The following NPEPL1 variants were observed in gnomAD, a reference collection of about 807,000 sequenced individuals.
The protein encoded by NPEPL1 is aminopeptidase like 1.
In NPEPL1, 45 loss-of-function variants were observed where a neutral mutation model predicts 52.4. The ratio of observed to expected loss-of-function variants is 0.86; its 90% CI spans 0.68 to 1.10. NPEPL1 has a LOEUF of 1.10. NPEPL1 is among the 50% of genes least tolerant of loss of function. The pLI is 0.00. For synonymous variants in NPEPL1, 360 were observed against 314.7 expected, an observed-to-expected ratio of 1.14 and a Z score of -1.52; for missense variants, 696 against 710.9, an observed-to-expected ratio of 0.98 and a Z score of 0.24.
chr20:58,691,193 A>C (rs1200134172), upstream of NPEPL1: 3 of 702,838 alleles, frequency 4.3e-6, no homozygotes, highest in East Asian at 8.0e-5. Context: ...CGTATTTGCA[A>C]ACAGAAAAAA....
At position 58,704,212 on chromosome 20, in the gene NPEPL1, A is replaced by G. The variant is rs1016851966; in HGVS notation, c.823-2911A>G. On this transcript the variant is annotated intron_variant, in intron 6 of 11. Coordinates refer to ENST00000356091, the MANE Select transcript of NPEPL1 (RefSeq NM_024663.4). ...GGCATTCTCCCCAGTGGCTGCCTGT[A>G]GAGCAAATGGTGCAGAAATGGTCAC... 6 of 985,304 alleles carry G rather than the reference A, an allele frequency of 6.1e-6. No individual in the cohort carries two copies. In the African/African-American group the frequency reaches 8.7e-5, roughly 14 times the overall value. 61.0% of individuals were successfully genotyped at this position (985,304 alleles called of 1,614,324 possible). A position where few individuals can be genotyped will look rare whatever the true frequency, so the allele number is the denominator to read the frequency against.
rs1181589745 is a variant in NPEPL1 at position 58,715,559 on chromosome 20, A to T, written c.*233A>T. On this transcript the variant is annotated 3_prime_UTR_variant, in exon 12 of 12. Transcript: ENST00000356091. ...TCTGTTTGTTACTTACAGGACTGAG[A>T]CATCTTCTGTAAACTGCTACCCCTG... is the stretch of plus-strand genomic sequence containing the variant. The T allele has an allele frequency of 4.4e-6, 2 of 456,656 alleles. No individual in the cohort carries two copies. The highest frequency in any genetic ancestry group is 4.1e-5 in the African/African-American group (2 of 48,498). 28.3% of individuals were successfully genotyped at this position (456,656 alleles called of 1,614,324 possible).
upstream of NPEPL1, among the ~76,000 whole-genome samples, chr20:58,690,113 A>G (rs1324112637): frequency 6.6e-6 from 1 of 152,226 alleles, no homozygotes; most frequent in Admixed American, 6.5e-5. Flanking sequence ...CCATCTTACA[A>G]GATAGGATTT....
intron 1 of NPEPL1, 36 bp downstream of exon 1, chr20:58,693,086 G>A: frequency 1.0e-6 from 1 of 1,000,110 alleles, no homozygotes; most frequent in Non-Finnish European, 1.2e-6. Flanking sequence ...GACCCGCGCC[G>A]CGGAAGCCCA....
intron 11 of NPEPL1, chr20:58,714,918 C>G: frequency 6.5e-6 from 4 of 613,184 alleles, no homozygotes; most frequent in Non-Finnish European, 1.1e-5. Flanking sequence ...CCATCCCCAC[C>G]CTGAGGAGCT....
At chr20:58,714,428 C>T in intron 10 of NPEPL1, 132 bp from the exon 11 acceptor site, 1 of 664,350 alleles carries the variant, frequency 1.5e-6, no homozygotes, top group South Asian at 2.0e-5. Context: ...CCAGCTTCTG[C>T]TGCCTCCCCA....
chr20:58,714,461 G>A (rs1023356819), intron 10 of NPEPL1, 99 bp from the exon 11 acceptor site: 18 of 861,208 alleles, frequency 2.1e-5, no homozygotes, highest in Admixed American at 8.2e-5. Flanking sequence ...CAGCCACCCC[G>A]AGCTCCTTGC....
At chr20:58,704,017 G>A in intron 6 of NPEPL1, 1 of 985,384 alleles carries the variant, frequency 1.0e-6, no homozygotes, top group Non-Finnish European at 1.2e-6. Flanking sequence ...CGCTGCAGTT[G>A]GAACCGTTCT....
intron 7 of NPEPL1, among the ~76,000 whole-genome samples, chr20:58,708,241 C>T (rs577996340): frequency 1.3e-5 from 2 of 152,376 alleles, no homozygotes; most frequent in South Asian, 4.1e-4. Context: ...GAGGGTCCTG[C>T]TCCTGGCCGT....
chr20:58,691,102 G>C (rs1047672024), upstream of NPEPL1: 3 of 703,024 alleles, frequency 4.3e-6, no homozygotes, highest in Admixed American at 2.0e-5. Flanking sequence ...ACATCTGTCA[G>C]GGCATGGCCT....
In NPEPL1 at chr20:58,692,821, C is replaced by T. The variant is rs1299831306; in HGVS notation, c.-80C>T. ...GGGCAGGGCCGGGGCGGTGCCGAGG[C>T]CGGGCCGGAGCGGGGCGAAGGGGGC... On this transcript the variant is annotated 5_prime_UTR_variant, in exon 1 of 12. Transcript: ENST00000356091. This position sits in a 1 kb window ranked among gnomAD's most constrained non-coding sequence, Gnocchi z 5.7. The T allele has an allele frequency of 3.1e-6, 3 of 975,284 alleles. No individual in the cohort carries two copies. The highest frequency in any genetic ancestry group is 3.6e-6 in the Non-Finnish European group (3 of 823,482). The allele number at this position is 975,284 out of a possible 1,614,324, so 60.4% of individuals were successfully genotyped here. A position where few individuals can be genotyped will look rare whatever the true frequency, so the allele number is the denominator to read the frequency against.
intron 5 of NPEPL1, 83 bp downstream of exon 5, chr20:58,699,361 A>C: frequency 9.8e-7 from 1 of 1,020,152 alleles, no homozygotes; most frequent in South Asian, 1.6e-5. Flanking sequence ...GGCGGGCCAC[A>C]TGGCACATTG....
At chr20:58,691,018 C>T, upstream of NPEPL1, 1 of 690,638 alleles carries the variant, frequency 1.4e-6, no homozygotes. Context: ...TATTCTGCGT[C>T]TGTGTTTCCT....
In NPEPL1 at chr20:58,694,320, C is replaced by T. The variant is rs923971466; in HGVS notation, c.337-102C>T. The T allele has an allele frequency of 1.3e-5, 16 of 1,242,652 alleles. No homozygotes were observed. The African/African-American group carries it at 2.3e-4, about 18-fold the overall frequency. 77.0% of individuals were successfully genotyped at this position (1,242,652 alleles called of 1,614,324 possible). ...GTGGGACATCTCTGTCTAGATGTCA[C>T]CTGCCAGGGAGCTGATGTTCCGGAG... On this transcript the variant is annotated intron_variant, in intron 2 of 11. Coordinates refer to ENST00000356091, the MANE Select transcript of NPEPL1 (RefSeq NM_024663.4).
chr20:58,691,693 C>CTT (rs11471424), upstream of NPEPL1: 1,009 of 562,564 alleles, frequency 1.8e-3, no homozygotes, highest in Middle Eastern at 3.7e-3. Flanking sequence ...TTTTTCTTTT[C>CTT]TTTTTTTTTT....
rs777053585 is a variant in NPEPL1 at position 58,694,494 on chromosome 20, C to G, written c.409C>G (p.Arg137Gly). ...LARAFPLFTH[R>G]SGASRRLEKK... Reference sequence around the variant, plus strand: ...CCGGGCCTTCCCGCTGTTCACCCACCGCTCAGGTGCCTCTCGGCGCTTGGA... The same window carrying G: ...CCGGGCCTTCCCGCTGTTCACCCACGGCTCAGGTGCCTCTCGGCGCTTGGA... The change falls in exon 3 of 12, where the codon CGC becomes GGC. Residue 137 changes from arginine (R) to glycine (G), a missense_variant. Arg to Gly is a moderately radical substitution (Grantham distance 125). Coordinates refer to ENST00000356091, the MANE Select transcript of NPEPL1 (RefSeq NM_024663.4). 2.5e-6 allele frequency: 4 copies of G among 1,613,900 alleles called. No individual in the cohort carries two copies. In the African/African-American group the frequency reaches 5.3e-5, roughly 22 times the overall value.
intron 8 of NPEPL1, 23 bp downstream of exon 8, chr20:58,712,602 T>G (rs770313585): frequency 6.5e-7 from 1 of 1,535,188 alleles, no homozygotes; most frequent in Non-Finnish European, 9.0e-7. Context: ...CTCCCACTCC[T>G]TCCTGCCCAC....
intron 7 of NPEPL1, among the ~76,000 whole-genome samples, chr20:58,709,552 A>G (rs1201134048): frequency 6.6e-6 from 1 of 152,162 alleles, no homozygotes; most frequent in South Asian, 2.1e-4. Flanking sequence ...GTGGGATGGG[A>G]AGAGGACAGT....
chr20:58,694,757 G>A (rs1473409092), intron 3 of NPEPL1, among the ~76,000 whole-genome samples, 165 bp downstream of exon 3: 1 of 152,180 alleles, frequency 6.6e-6, no homozygotes, highest in East Asian at 1.9e-4. Flanking sequence ...CCAAACCCAG[G>A]CCCCCTGCCT....
Sources: gnomAD v4.1 joint callset for allele counts (sites outside exome capture counted in the v4.1 genomes callset) on GRCh38, gnomAD v4.1.1 for gene constraint, Gnocchi (gnomAD v3.1) non-coding constraint, MANE v1.5 for transcripts, NCBI Gene and HGNC (gene_info 2026-07-23, HGNC 2026-07-21) for gene names.